Variants in TENM3 observed in about 807,000 individuals in gnomAD.
TENM3 encodes teneurin transmembrane protein 3.
Under a neutral mutation model 255.1 loss-of-function variants are expected in TENM3, and 63 were observed. The observed-to-expected ratio is 0.25, with a 90% CI of 0.20 to 0.30. TENM3 has a LOEUF of 0.30. Ranked by LOEUF, TENM3 falls within the 10% of genes least tolerant of loss-of-function variation. The pLI is 1.00. For synonymous variants in TENM3, 1,306 were observed against 1,322.3 expected (o/e 0.99, Z 0.27); for missense variants, 2,929 against 3,461.1 (o/e 0.85, Z 3.86).
At chr4:182,640,615 A>T (rs1368771574) in intron 5 of TENM3, among the ~76,000 whole-genome samples, 3 of 152,196 alleles carry the variant, frequency 2.0e-5, no homozygotes, top group Admixed American at 6.5e-5. Context: ...TCACATAAAG[A>T]GAAGCATTGC....
At chr4:182,684,116 C>A (rs1161690243) in intron 11 of TENM3, among the ~76,000 whole-genome samples, 5 of 150,272 alleles carry the variant, frequency 3.3e-5, no homozygotes, top group Admixed American at 1.3e-4. Flanking sequence ...TCAAACTAAG[C>A]AAAACTACAC....
At chr4:182,576,702 C>T (rs58518729) in intron 3 of TENM3, among the ~76,000 whole-genome samples, 60 of 152,226 alleles carry the variant, frequency 3.9e-4, no homozygotes, top group African/African-American at 1.4e-3. Context: ...CCAGGGCTTT[C>T]GTTTATACAC....
the TENM3 span, among the ~76,000 whole-genome samples, chr4:181,615,074 C>T: frequency 2.5e-4 from 38 of 152,162 alleles, no homozygotes; most frequent in African/African-American, 8.0e-4. Context: ...GGTTCCCAGG[C>T]TGATCACTGT....
chr4:181,624,564 G>T, the TENM3 span, among the ~76,000 whole-genome samples: 1 of 152,088 alleles, frequency 6.6e-6, no homozygotes, highest in African/African-American at 2.4e-5. Context: ...ACAAATCCAA[G>T]ATCATTATTA....
At chr4:182,205,566 C>T (rs1366552263) in intron 1 of TENM3, among the ~76,000 whole-genome samples, 1 of 152,246 alleles carries the variant, frequency 6.6e-6, no homozygotes, top group East Asian at 1.9e-4. Context: ...CCTTTCTCCT[C>T]ATGGGTGCTC....
At chr4:182,116,532 C>G in the TENM3 span, among the ~76,000 whole-genome samples, 1 of 152,164 alleles carries the variant, frequency 6.6e-6, no homozygotes, top group Non-Finnish European at 1.5e-5. Flanking sequence ...TCTGGCATTT[C>G]CCTGCTGGCA....
chr4:182,234,664 G>A lies in TENM3; in HGVS notation c.-75-89282G>A, dbSNP rs186104558. Reference sequence around the variant, plus strand: ...GGAGAATCACTTGAACCTAGGAGGCGGAGGTTGCAGTGAGCCGAGATTGCA... The same window carrying A: ...GGAGAATCACTTGAACCTAGGAGGCAGAGGTTGCAGTGAGCCGAGATTGCA... On this transcript the variant is annotated intron_variant, in intron 1 of 2. Coordinates refer to the TENM3 transcript ENST00000512480. Among the ~76,000 whole-genome samples the A allele has an allele frequency of 2.3e-4, 35 of 152,150 alleles. No homozygotes were observed. In the South Asian group the frequency reaches 4.1e-3, roughly 18 times the overall value.
chr4:181,692,835 C>G, the TENM3 span, among the ~76,000 whole-genome samples: 22 of 152,036 alleles, frequency 1.4e-4, no homozygotes, highest in African/African-American at 4.8e-4. Context: ...TCTTAAAACC[C>G]CAAGGTGAGA....
chr4:181,828,299 A>G, the TENM3 span, among the ~76,000 whole-genome samples: 1 of 152,220 alleles, frequency 6.6e-6, no homozygotes, highest in African/African-American at 2.4e-5. Context: ...GGCCCAGGCC[A>G]AAGGCTTCCA....
At chr4:182,057,649 C>T in the TENM3 span, among the ~76,000 whole-genome samples, 18 of 152,118 alleles carry the variant, frequency 1.2e-4, no homozygotes, top group African/African-American at 4.3e-4. Context: ...GATCCCCCTG[C>T]CTTCGCCTCC....
At chr4:182,790,640 G>C (rs1205284655) in intron 25 of TENM3, among the ~76,000 whole-genome samples, 1 of 152,148 alleles carries the variant, frequency 6.6e-6, no homozygotes, top group African/African-American at 2.4e-5. Context: ...CATCAGAAGA[G>C]ACTCACCCTT....
At chr4:182,614,901 T>G (rs569731059) in intron 4 of TENM3, among the ~76,000 whole-genome samples, 1 of 151,836 alleles carries the variant, frequency 6.6e-6, no homozygotes, top group Non-Finnish European at 1.5e-5. Flanking sequence ...GAAGCTACCA[T>G]TGCTGCAGCC....
chr4:181,533,158 C>T, the TENM3 span, among the ~76,000 whole-genome samples: 1 of 152,188 alleles, frequency 6.6e-6, no homozygotes, highest in East Asian at 1.9e-4. Flanking sequence ...AAGCAAGGAT[C>T]CAGCTACTCA....
the TENM3 span, among the ~76,000 whole-genome samples, chr4:181,721,953 C>T: frequency 2.0e-5 from 3 of 152,046 alleles, no homozygotes; most frequent in African/African-American, 7.2e-5. Flanking sequence ...GGACTTACCA[C>T]TAAGGCTGGT....
Position 182,730,329 on chromosome 4 carries a change from T to C in TENM3, c.2705+10T>C, listed in dbSNP as rs1159674560. 2 of 1,613,342 alleles carry C rather than the reference T, an allele frequency of 1.2e-6. No individual in the cohort carries two copies. The highest frequency in any genetic ancestry group is 1.7e-5 in the Admixed American group (1 of 60,008). On this transcript the variant is annotated intron_variant, in intron 15 of 27. Coordinates refer to ENST00000511685, the MANE Select transcript of TENM3 (RefSeq NM_001080477.4). ...CCCGCCAGGACGGAATGTGAGTTAG[T>C]CCCATCACACTATCTCTGAAGGATT...
chr4:182,061,493 G>T, the TENM3 span, among the ~76,000 whole-genome samples: 1 of 152,058 alleles, frequency 6.6e-6, no homozygotes, highest in Non-Finnish European at 1.5e-5. Flanking sequence ...TGCTGAACAA[G>T]AGGTTCTATT....
At chr4:182,746,156 A>G (rs1361504296) in intron 19 of TENM3, among the ~76,000 whole-genome samples, 3 of 152,216 alleles carry the variant, frequency 2.0e-5, no homozygotes, top group Non-Finnish European at 1.5e-5. Context: ...AGAGGAGACA[A>G]GGTATATATG....
rs550274386 is a variant in TENM3 at position 182,552,676 on chromosome 4, A to T, written c.512-48248A>T. Among the ~76,000 whole-genome samples the T allele has an allele frequency of 2.0e-5, 3 of 152,320 alleles. No individual in the cohort carries two copies. In the South Asian group the frequency reaches 6.2e-4, roughly 32 times the overall value. On this transcript the variant is annotated intron_variant, in intron 3 of 27. Coordinates refer to ENST00000511685, the MANE Select transcript of TENM3 (RefSeq NM_001080477.4). Reference sequence around the variant, plus strand: ...TTAATCATTTTTGAAGATGTAATGGATGATGACCATCTAGTTCTAGCATTG... The same window carrying T: ...TTAATCATTTTTGAAGATGTAATGGTTGATGACCATCTAGTTCTAGCATTG...
the TENM3 span, among the ~76,000 whole-genome samples, chr4:182,032,454 G>A: frequency 6.6e-6 from 1 of 152,202 alleles, no homozygotes. Flanking sequence ...TGGTTTGCCA[G>A]TATTTTATGG....
Sources: allele counts gnomAD v4.1 joint callset (sites outside exome capture counted in the v4.1 genomes callset), GRCh38; gene constraint gnomAD v4.1.1; transcripts MANE v1.5; gene names NCBI Gene and HGNC (gene_info 2026-07-23, HGNC 2026-07-21).